Variants in TIAM2 observed in about 807,000 individuals in gnomAD.
TIAM2 encodes the protein TIAM Rac1 associated GEF 2.
Under a neutral mutation model 152.9 loss-of-function variants are expected in TIAM2, and 80 were observed. The observed-to-expected ratio is 0.52, with a 90% CI of 0.44 to 0.63. TIAM2 has a LOEUF of 0.63. Ranked by LOEUF, TIAM2 falls within the 30% of genes least tolerant of loss-of-function variation. TIAM2 has a pLI of 0.00. For missense variants in TIAM2, 1,965 were observed against 2,120.1 expected (o/e 0.93, Z 1.44); for synonymous variants, 804 against 838.0 (o/e 0.96, Z 0.70).
chr6:155,137,591 C>G lies in TIAM2; in HGVS notation c.1609C>G (p.Gln537Glu). 6.2e-7 allele frequency: 1 copy of G among 1,602,240 alleles called. No homozygotes were observed. The highest frequency in any genetic ancestry group is 8.5e-7 in the Non-Finnish European group (1 of 1,178,092). Residue 537 changes from glutamine (Q) to glutamate (E), a missense_variant, in exon 5 of 27, where the codon CAG becomes GAG. Physicochemically the swap from Gln to Glu is conservative, Grantham distance 29. This residue lies in a region of TIAM2 where 1,025 missense variants were observed against 1,119.4 expected (regional missense o/e 0.92). Transcript: ENST00000682666. ...GCTGGTGGCACGAAGGAAATGGAAA[C>G]AGTACTGGGTAACGCTGAAAGGTGA... ...LELVARRKWK[Q>E]YWVTLKGCTL...
chr6:155,104,585 G>A lies in TIAM2; in HGVS notation c.-118+14206G>A, dbSNP rs543938781. ...ATCCTGGCTAACACAGTGAAACCCC[G>A]TCTCTACTAAAAATACAAAAAATTA... is the stretch of plus-strand genomic sequence containing the variant. On this transcript the variant is annotated intron_variant, in intron 2 of 26. Transcript: ENST00000682666. Among the ~76,000 whole-genome samples, 415 of 151,972 alleles carry A rather than the reference G, an allele frequency of 2.7e-3. 3 individuals are homozygous for A. The highest frequency in any genetic ancestry group is 8.7e-3 in the African/African-American group (360 of 41,450).
chr6:155,251,740 T>C (rs1783667343), intron 22 of TIAM2, among the ~76,000 whole-genome samples: 1 of 152,222 alleles, frequency 6.6e-6, no homozygotes, highest in Admixed American at 6.5e-5. Context: ...CAACTTCTAA[T>C]AGTAGCTTTT....
rs1780133265 is a variant in TIAM2 at position 155,156,983 on chromosome 6, TCTC to T, written c.2029-7430_2029-7428del. 1.3e-5 allele frequency among the ~76,000 whole-genome samples: 2 copies of T among 152,214 alleles called. No homozygotes were observed. The highest frequency in any genetic ancestry group is 4.8e-5 in the African/African-American group (2 of 41,458). ...GGGAGCCCCACTCTCCTCCCACAGT[TCTC>T]CATGTCTGTGCCACTGCTGTCATCC... is the stretch of plus-strand genomic sequence containing the variant. On this transcript the variant is annotated intron_variant, in intron 7 of 26. Coordinates refer to ENST00000682666, the MANE Select transcript of TIAM2 (RefSeq NM_012454.4). This position sits in a 1 kb window ranked among gnomAD's most constrained non-coding sequence, Gnocchi z 4.4.
intron 1 of TIAM2, among the ~76,000 whole-genome samples, chr6:155,076,879 A>G (rs1777973424): frequency 6.6e-6 from 1 of 152,180 alleles, no homozygotes; most frequent in South Asian, 2.1e-4. Context: ...TATTTTTAGT[A>G]GAGACGGAGT....
intron 1 of TIAM2, among the ~76,000 whole-genome samples, chr6:155,087,882 A>ATTTCTGAAAATGT (rs148535253): frequency 0.54 from 81,916 of 151,684 alleles, 23,231 homozygotes; most frequent in South Asian, 0.7. Context: ...GATATAACAA[A>ATTTCTGAAAATGT]TCTCTGAACT....
At chr6:155,060,133 G>A (rs887915585) in intron 1 of TIAM2, among the ~76,000 whole-genome samples, 2 of 152,104 alleles carry the variant, frequency 1.3e-5, no homozygotes, top group Admixed American at 6.5e-5. Context: ...GGCTGGGTGC[G>A]GTGCTTACGC....
At chr6:155,123,478 C>G (rs1248361909) in intron 2 of TIAM2, among the ~76,000 whole-genome samples, 2 of 152,118 alleles carry the variant, frequency 1.3e-5, no homozygotes, top group African/African-American at 4.8e-5. Flanking sequence ...AGGTGCTAGG[C>G]CTTGAGTGCA....
chr6:155,169,923 GTTC>G (rs1780542329), intron 9 of TIAM2, among the ~76,000 whole-genome samples: 1 of 151,942 alleles, frequency 6.6e-6, no homozygotes, highest in South Asian at 2.1e-4. Flanking sequence ...GGTTGAAGCA[GTTC>G]TTCTGCCTCA....
At chr6:155,245,886 GGTTTCT>G (rs2115330281) in intron 19 of TIAM2, among the ~76,000 whole-genome samples, 155 bp downstream of exon 19, 1 of 151,654 alleles carries the variant, frequency 6.6e-6, no homozygotes, top group African/African-American at 2.4e-5. Flanking sequence ...TAAAGGGAAA[GGTTTCT>G]GTTTCTGTCA....
intron 1 of TIAM2, among the ~76,000 whole-genome samples, chr6:155,042,648 C>A (rs1488164148): frequency 1.3e-5 from 2 of 152,066 alleles, no homozygotes; most frequent in African/African-American, 4.8e-5. Context: ...TGTCAAGGAA[C>A]TTAAGGAGAT....
intron 2 of TIAM2, among the ~76,000 whole-genome samples, chr6:155,097,176 T>G (rs765566090): frequency 6.6e-6 from 1 of 152,184 alleles, no homozygotes; most frequent in Non-Finnish European, 1.5e-5. Context: ...GTTCAGATCT[T>G]TTGCCCATTT....
chr6:154,999,819 C>G (rs909026927), intron 1 of TIAM2, among the ~76,000 whole-genome samples: 1 of 152,078 alleles, frequency 6.6e-6, no homozygotes, highest in African/African-American at 2.4e-5. Context: ...GCTGGGATTA[C>G]AGGTACGTGC....
intron 1 of TIAM2, among the ~76,000 whole-genome samples, chr6:155,068,868 G>A (rs1458526813): frequency 6.6e-6 from 1 of 152,100 alleles, no homozygotes; most frequent in Non-Finnish European, 1.5e-5. Flanking sequence ...GCTGAGTGAG[G>A]AGAAGCTGCT....
intron 1 of TIAM2, among the ~76,000 whole-genome samples, chr6:155,012,644 G>A (rs951479103): frequency 1.3e-5 from 2 of 152,102 alleles, no homozygotes; most frequent in Non-Finnish European, 2.9e-5. Flanking sequence ...TCTACCTTCC[G>A]GGTTCAAGCG....
chr6:155,112,188 C>T (rs1335689516), intron 2 of TIAM2, among the ~76,000 whole-genome samples: 10 of 145,788 alleles, frequency 6.9e-5, no homozygotes, highest in Admixed American at 4.9e-4. Context: ...TGCAGTGATG[C>T]GATCTCGGCT....
intron 4 of TIAM2, among the ~76,000 whole-genome samples, chr6:155,136,725 C>G (rs888919025): frequency 2.0e-5 from 3 of 152,114 alleles, no homozygotes; most frequent in African/African-American, 7.2e-5. Context: ...CCTGTCTTCC[C>G]CACCCTACCC....
chr6:155,222,621 A>G (rs113251030), intron 15 of TIAM2, among the ~76,000 whole-genome samples: 1 of 79,970 alleles, frequency 1.3e-5, no homozygotes, highest in Non-Finnish European at 2.6e-5. Context: ...AACAAACAAA[A>G]AAAAAAAACA....
intron 1 of TIAM2, among the ~76,000 whole-genome samples, chr6:155,015,178 T>G (rs1450171676): frequency 1.3e-5 from 2 of 151,854 alleles, no homozygotes; most frequent in African/African-American, 4.8e-5. Context: ...TGGCTGGATA[T>G]GGGGGCAAAG....
At position 155,002,673 on chromosome 6, in the gene TIAM2, T is replaced by TTTATTTATTTATTTATTTATTTA. The variant is rs1778331789; in HGVS notation, c.-209+7183_-209+7184insATTTATTTATTTATTTATTTATT. Among the ~76,000 whole-genome samples the TTTATTTATTTATTTATTTATTTA allele has an allele frequency of 2.7e-5, 4 of 150,156 alleles. No homozygotes were observed. The East Asian group carries it at 5.9e-4, about 22-fold the overall frequency. ...CATCACACAGGGAGTGCTTTGCTTG[T>TTTATTTATTTATTTATTTATTTA]TTTATTTATTTATTTATTTATTTTT... On this transcript the variant is annotated intron_variant, in intron 1 of 26. Transcript: ENST00000682666.
Sources: allele counts gnomAD v4.1 joint callset (sites outside exome capture counted in the v4.1 genomes callset), GRCh38; gene constraint gnomAD v4.1.1; regional missense constraint gnomAD v4.1.1; non-coding constraint Gnocchi (gnomAD v3.1); transcripts MANE v1.5; gene names NCBI Gene and HGNC (gene_info 2026-07-23, HGNC 2026-07-21).